The following NPTN variants were observed in gnomAD, a reference collection of about 807,000 sequenced individuals.
The protein encoded by NPTN is neuroplastin, also known as SDR-1.
In NPTN, 5 loss-of-function variants were observed where a neutral mutation model predicts 42.7. The observed-to-expected ratio is 0.12, with a 90% confidence interval of 0.06 to 0.25. NPTN has a LOEUF of 0.25. NPTN is among the 10% of genes least tolerant of loss of function. The pLI is 1.00. For synonymous variants in NPTN, 180 were observed against 201.9 expected (o/e 0.89, Z 0.92); for missense variants, 307 against 525.4 (o/e 0.58, Z 4.06).
chr15:73,623,629 G>C (rs1322079115), intron 1 of NPTN, among the ~76,000 whole-genome samples: 1 of 152,226 alleles, frequency 6.6e-6, no homozygotes, highest in Non-Finnish European at 1.5e-5. Context: ...TGATGCTGCA[G>C]TGAGTAATGA....
chr15:73,622,298 G>A (rs892537037), intron 1 of NPTN, among the ~76,000 whole-genome samples: 3 of 152,086 alleles, frequency 2.0e-5, no homozygotes, highest in Admixed American at 1.3e-4. Context: ...AGAAAGAAAA[G>A]GGTGTGGTCA....
chr15:73,572,931 C>T (rs1293970664), intron 5 of NPTN, among the ~76,000 whole-genome samples: 1 of 152,074 alleles, frequency 6.6e-6, no homozygotes, highest in African/African-American at 2.4e-5. Context: ...GTTCTCCTGA[C>T]AGTGAATTCT....
At chr15:73,563,491 T>C in intron 6 of NPTN, 1 of 1,336,860 alleles carries the variant, frequency 7.5e-7, no homozygotes, top group Non-Finnish European at 9.6e-7. Context: ...AGTTAACACT[T>C]TGAATGCTTG....
At chr15:73,583,361 T>C (rs1217271882) in intron 4 of NPTN, among the ~76,000 whole-genome samples, 1 of 152,164 alleles carries the variant, frequency 6.6e-6, no homozygotes, top group East Asian at 1.9e-4. Context: ...GTGAGAACCC[T>C]AGCTTCACCA....
intron 1 of NPTN, among the ~76,000 whole-genome samples, chr15:73,628,197 A>T (rs1319293588): frequency 6.6e-6 from 1 of 152,186 alleles, no homozygotes; most frequent in Non-Finnish European, 1.5e-5. Flanking sequence ...TTTAACTTTG[A>T]TGTGTGAATT....
chr15:73,584,556 C>G (rs1321167827), intron 4 of NPTN, among the ~76,000 whole-genome samples: 1 of 152,000 alleles, frequency 6.6e-6, no homozygotes, highest in African/African-American at 2.4e-5. Context: ...AAGCTGAGGA[C>G]AGAGATGCCC....
At chr15:73,566,956 A>G (rs1895049325) in intron 6 of NPTN, 21 of 918,218 alleles carry the variant, frequency 2.3e-5, no homozygotes, top group African/African-American at 3.6e-5. Context: ...TTCATGTAGG[A>G]AATGGTCTGA....
intron 1 of NPTN, among the ~76,000 whole-genome samples, chr15:73,625,314 C>T (rs1200316000): frequency 6.6e-6 from 1 of 151,958 alleles, no homozygotes; most frequent in Non-Finnish European, 1.5e-5. Flanking sequence ...ACTTCTCTAT[C>T]TGGGTCACAG....
intron 1 of NPTN, among the ~76,000 whole-genome samples, chr15:73,607,801 A>G (rs1411649609): frequency 6.6e-6 from 1 of 152,244 alleles, no homozygotes; most frequent in African/African-American, 2.4e-5. Context: ...TTTACCATGC[A>G]GCAGAATCAT....
At chr15:73,610,771 C>G (rs560331361) in intron 1 of NPTN, among the ~76,000 whole-genome samples, 3 of 152,258 alleles carry the variant, frequency 2.0e-5, no homozygotes, top group Non-Finnish European at 4.4e-5. Context: ...TTCTGGTCCC[C>G]TCCAGTATTT....
At chr15:73,579,684 C>A (rs1895890891) in intron 4 of NPTN, among the ~76,000 whole-genome samples, 1 of 152,068 alleles carries the variant, frequency 6.6e-6, no homozygotes, top group Non-Finnish European at 1.5e-5. Flanking sequence ...ACACCACTTC[C>A]CCTCTTTATT....
intron 3 of NPTN, among the ~76,000 whole-genome samples, chr15:73,588,440 A>T (rs1319525149): frequency 2.6e-5 from 4 of 152,154 alleles, no homozygotes; most frequent in African/African-American, 9.7e-5. Flanking sequence ...AAAGAAAAAG[A>T]AAAAAATCTG....
chr15:73,569,369 C>G lies in NPTN; in HGVS notation c.1114+781G>C. 1.0e-6 allele frequency: 1 copy of G among 985,564 alleles called. No individual in the cohort carries two copies. Among genetic ancestry groups the G allele is most frequent in the Non-Finnish European group, 1.2e-6 (1 of 830,006 alleles). The allele number at this position is 985,564 out of a possible 1,614,324, so 61.1% of individuals were successfully genotyped here. ...CAATAACCTAAGATTTCAGCTCTTG[C>G]TCTTTCCAGTGCTCAGTGGTGTGCT... On this transcript the variant is annotated intron_variant, in intron 6 of 8. Coordinates refer to ENST00000345330, the MANE Select transcript of NPTN (RefSeq NM_012428.4). This position sits in a 1 kb window ranked among gnomAD's most constrained non-coding sequence, Gnocchi z 4.1.
intron 1 of NPTN, among the ~76,000 whole-genome samples, chr15:73,612,814 C>T (rs552664087): frequency 6.6e-6 from 1 of 152,156 alleles, no homozygotes; most frequent in South Asian, 2.1e-4. Context: ...TTCAACTAGG[C>T]TATCTTAATT....
At position 73,570,080 on chromosome 15, in the gene NPTN, T is replaced by A; in HGVS notation, c.1114+70A>T. The A allele has an allele frequency of 4.0e-6, 6 of 1,486,668 alleles. No individual in the cohort carries two copies. The highest frequency in any genetic ancestry group is 3.6e-6 in the Non-Finnish European group (4 of 1,103,646). 92.1% of individuals were successfully genotyped at this position (1,486,668 alleles called of 1,614,324 possible). Reference sequence around the variant, plus strand: ...GAATCCCAACATCCCTATAGTCCTCTTTGGGTACTTGGAAACCACCCGAAG... The same window carrying A: ...GAATCCCAACATCCCTATAGTCCTCATTGGGTACTTGGAAACCACCCGAAG... On this transcript the variant is annotated intron_variant, in intron 6 of 8. Coordinates refer to ENST00000345330, the MANE Select transcript of NPTN (RefSeq NM_012428.4). This position sits in a 1 kb window ranked among gnomAD's most constrained non-coding sequence, Gnocchi z 4.0.
In NPTN at chr15:73,633,303, G is replaced by T. The variant is rs1898871811; in HGVS notation, c.-88C>A. The T allele has an allele frequency of 2.0e-6, 2 of 976,144 alleles. No homozygotes were observed. 60.5% of individuals were successfully genotyped at this position (976,144 alleles called of 1,614,324 possible). A position where few individuals can be genotyped will look rare whatever the true frequency, so the allele number is the denominator to read the frequency against. On this transcript the variant is annotated 5_prime_UTR_variant, in exon 1 of 9. Transcript: ENST00000345330. ...GGGGAGGGAGGGAGGGGGCGGGCGA[G>T]TGCGCGAGGGAGTGAGCGAGGGAGG...
intron 1 of NPTN, among the ~76,000 whole-genome samples, chr15:73,615,353 C>T (rs1164154869): frequency 6.6e-6 from 1 of 152,090 alleles, no homozygotes; most frequent in African/African-American, 2.4e-5. Flanking sequence ...TTGTGTTAGA[C>T]ATAACGCAAA....
chr15:73,604,116 C>T (rs982879918), intron 1 of NPTN, among the ~76,000 whole-genome samples: 12 of 151,944 alleles, frequency 7.9e-5, no homozygotes, highest in African/African-American at 2.9e-4. Context: ...CATGATCTAC[C>T]TAGATCTACA....
chr15:73,597,742 T>C lies in NPTN; in HGVS notation c.92-373A>G, dbSNP rs532101239. ...TTAGAACACAAACCATTTATTACCT[T>C]TTTAAACTCAGGCAAGTGATGAAAG... On this transcript the variant is annotated intron_variant, in intron 1 of 8. Coordinates refer to ENST00000345330, the MANE Select transcript of NPTN (RefSeq NM_012428.4). The surrounding 1 kb of genome is among the most constrained non-coding windows in gnomAD (Gnocchi z 6.3). Among the ~76,000 whole-genome samples the C allele has an allele frequency of 3.3e-5, 5 of 152,310 alleles. No homozygotes were observed. In the South Asian group the frequency reaches 6.2e-4, roughly 19 times the overall value.
Sources: gnomAD v4.1 joint callset for allele counts (sites outside exome capture counted in the v4.1 genomes callset) on GRCh38, gnomAD v4.1.1 for gene constraint, Gnocchi (gnomAD v3.1) non-coding constraint, MANE v1.5 for transcripts, NCBI Gene and HGNC (gene_info 2026-07-23, HGNC 2026-07-21) for gene names.